ZSCAN25: variants seen among roughly 807,000 people sequenced by gnomAD.
The protein encoded by ZSCAN25 is zinc finger and SCAN domain containing 25.
A neutral mutation model predicts 38.7 loss-of-function variants in ZSCAN25; 27 were observed. The ratio of observed to expected loss-of-function variants is 0.70; its 90% CI spans 0.51 to 0.96. ZSCAN25 has a LOEUF of 0.96. Ranked by LOEUF, ZSCAN25 falls within the 40% of genes least tolerant of loss-of-function variation. The pLI is 0.00. For missense variants in ZSCAN25, 637 were observed against 705.9 expected, an observed-to-expected ratio of 0.90 and a Z score of 1.11; for synonymous variants, 273 against 277.7, an observed-to-expected ratio of 0.98 and a Z score of 0.17.
At chr7:99,644,009 T>C in the ZSCAN25 span, among the ~76,000 whole-genome samples, 633 of 152,192 alleles carry the variant, frequency 4.2e-3, 5 homozygotes, top group African/African-American at 0.015. Flanking sequence ...TAATTCTTTT[T>C]CTTTGGATGG....
intron 6 of ZSCAN25, 36 bp from the exon 7 acceptor site, chr7:99,624,021 T>A (rs768005795): frequency 1.9e-6 from 3 of 1,613,854 alleles, no homozygotes; most frequent in Non-Finnish European, 2.5e-6. Context: ...GGCCTAGGAT[T>A]CTTTCTTTAT....
the ZSCAN25 span, among the ~76,000 whole-genome samples, chr7:99,648,833 TG>T: frequency 6.6e-6 from 1 of 152,216 alleles, no homozygotes; most frequent in Non-Finnish European, 1.5e-5. Flanking sequence ...TTTAATTATG[TG>T]GGCAGTTTTC....
the ZSCAN25 span, chr7:99,677,112 A>C: frequency 3.3e-6 from 3 of 914,424 alleles, no homozygotes; most frequent in Non-Finnish European, 3.9e-6. Context: ...AAACCCATTA[A>C]GCCTGGTGTT....
the ZSCAN25 span, among the ~76,000 whole-genome samples, chr7:99,726,237 T>G: frequency 1.3e-5 from 2 of 152,142 alleles, no homozygotes; most frequent in Non-Finnish European, 2.9e-5. Context: ...CTAATCACCC[T>G]TACCCAGCTT....
At chr7:99,680,944 G>A in the ZSCAN25 span, among the ~76,000 whole-genome samples, 639 of 152,314 alleles carry the variant, frequency 4.2e-3, 5 homozygotes, top group African/African-American at 0.015. Flanking sequence ...CATTCATGAT[G>A]TATTTTAAAA....
At chr7:99,651,241 C>G in the ZSCAN25 span, among the ~76,000 whole-genome samples, 3 of 152,212 alleles carry the variant, frequency 2.0e-5, no homozygotes, top group Admixed American at 6.5e-5. Flanking sequence ...GTGTATATGT[C>G]AAACATTCTC....
rs1808002624 is a variant in ZSCAN25, at chr7:99,631,618, A to T, written c.*1598A>T. On this transcript the variant is annotated 3_prime_UTR_variant, in exon 8 of 8. Transcript: ENST00000394152. ...CTTAATACCAGATTCTTTTACTGAG[A>T]TTTTTTTTTTTCATTTTCCATTGTA... 1.1e-6 allele frequency: 1 copy of T among 875,288 alleles called. No homozygotes were observed. Among genetic ancestry groups the T allele is most frequent in the Non-Finnish European group, 1.4e-6 (1 of 732,106 alleles). 54.2% of individuals were successfully genotyped at this position (875,288 alleles called of 1,614,324 possible). A position where few individuals can be genotyped will look rare whatever the true frequency, so the allele number is the denominator to read the frequency against.
rs887531626 is a variant in ZSCAN25, at chr7:99,630,532, G to A, written c.*512G>A. ...GACGTGATGCCTCTGGGGGTTGTGC[G>A]TTGGGGATGCATGCGACAGCCCATG... On this transcript the variant is annotated 3_prime_UTR_variant, in exon 8 of 8. Coordinates refer to ENST00000394152, the MANE Select transcript of ZSCAN25 (RefSeq NM_145115.3). 7.1e-6 allele frequency: 7 copies of A among 989,752 alleles called. No individual in the cohort carries two copies. Among genetic ancestry groups the A allele is most frequent in the African/African-American group, 1.7e-5 (1 of 57,268 alleles). 61.3% of individuals were successfully genotyped at this position (989,752 alleles called of 1,614,324 possible). A position where few individuals can be genotyped will look rare whatever the true frequency, so the allele number is the denominator to read the frequency against.
chr7:99,622,473 G>C (rs574172507), intron 5 of ZSCAN25, 76 bp from the exon 6 acceptor site: 2 of 1,346,374 alleles, frequency 1.5e-6, no homozygotes, highest in South Asian at 1.2e-5. Flanking sequence ...ATCTGGTAGG[G>C]GACACATTTG....
chr7:99,721,154 G>A, the ZSCAN25 span, among the ~76,000 whole-genome samples: 2 of 152,174 alleles, frequency 1.3e-5, no homozygotes, highest in Non-Finnish European at 2.9e-5. Flanking sequence ...CAGCCCACCA[G>A]GGAACACAAT....
the ZSCAN25 span, chr7:99,731,022 T>C: frequency 3.1e-6 from 5 of 1,611,544 alleles, no homozygotes; most frequent in South Asian, 5.5e-5. Context: ...CTCTTTGCAA[T>C]CATAAGAAGC....
At chr7:99,694,984 T>TAA in the ZSCAN25 span, among the ~76,000 whole-genome samples, 21,100 of 150,112 alleles carry the variant, frequency 0.14, 2,527 homozygotes, top group African/African-American at 0.33. Context: ...TGCCTTTGTT[T>TAA]AAAAAAAAAA....
At chr7:99,722,304 T>A in the ZSCAN25 span, 1 of 1,613,592 alleles carries the variant, frequency 6.2e-7, no homozygotes, top group Admixed American at 1.7e-5. Context: ...ACCCCCAGAC[T>A]TTTCTATACT....
At chr7:99,666,560 C>G in the ZSCAN25 span, 1 of 1,597,480 alleles carries the variant, frequency 6.3e-7, no homozygotes, top group Non-Finnish European at 8.6e-7. Context: ...GCTGGAAGGG[C>G]TCATGACAGC....
At chr7:99,627,618 A>G (rs1021773945) in intron 7 of ZSCAN25, among the ~76,000 whole-genome samples, 1 of 152,092 alleles carries the variant, frequency 6.6e-6, no homozygotes, top group Non-Finnish European at 1.5e-5. Context: ...AGAACAGGCA[A>G]AAAAGTCCAG....
At chr7:99,625,945 G>A (rs772831056) in intron 7 of ZSCAN25, among the ~76,000 whole-genome samples, 8 of 152,212 alleles carry the variant, frequency 5.3e-5, no homozygotes, top group Non-Finnish European at 8.8e-5. Context: ...ATTCACACTC[G>A]GGTTGTCCTG....
At position 99,621,516 on chromosome 7, in the gene ZSCAN25, T is replaced by G. The variant is rs1806958425; in HGVS notation, c.531T>G (p.Gly177=). The part of the protein sequence containing the change: ...PGEGVQGPDP[G]TEEQLSQDPG... ...AAGGAGTTCAAGGTCCAGACCCAGG[T>G]ACCGAGGAGCAGCTCAGTCAGGACC... The change falls in exon 5 of 8, where the codon GGT becomes GGG. Residue 177 remains glycine, a synonymous_variant. Coordinates refer to ENST00000394152, the MANE Select transcript of ZSCAN25 (RefSeq NM_145115.3). 12 of 1,562,462 alleles carry G rather than the reference T, an allele frequency of 7.7e-6. No homozygotes were observed. The highest frequency in any genetic ancestry group is 9.6e-6 in the Non-Finnish European group (11 of 1,147,644).
At chr7:99,668,993 T>A in the ZSCAN25 span, among the ~76,000 whole-genome samples, 1 of 152,266 alleles carries the variant, frequency 6.6e-6, no homozygotes, top group African/African-American at 2.4e-5. Context: ...AGTATTCTTA[T>A]TTGATTATTA....
At position 99,632,277 on chromosome 7, in the gene ZSCAN25, T is replaced by G. The variant is rs1808062132; in HGVS notation, c.*2257T>G. ...CTGATTTTTCATATCTATTCAAATG[T>G]TAAGAAATATTTTGTTTTCTGTATT... On this transcript the variant is annotated 3_prime_UTR_variant, in exon 8 of 8. Coordinates refer to ENST00000394152, the MANE Select transcript of ZSCAN25 (RefSeq NM_145115.3). 1.0e-6 allele frequency: 1 copy of G among 979,562 alleles called. No homozygotes were observed. Among genetic ancestry groups the G allele is most frequent in the Admixed American group, 6.1e-5 (1 of 16,262 alleles). The allele number at this position is 979,562 out of a possible 1,614,324, so 60.7% of individuals were successfully genotyped here. A position where few individuals can be genotyped will look rare whatever the true frequency, so the allele number is the denominator to read the frequency against.
Sources: allele counts gnomAD v4.1 joint callset (sites outside exome capture counted in the v4.1 genomes callset), GRCh38; gene constraint gnomAD v4.1.1; transcripts MANE v1.5; gene names NCBI Gene and HGNC (gene_info 2026-07-23, HGNC 2026-07-21).